NFASC: variants seen among roughly 807,000 people sequenced by gnomAD.
NFASC encodes neurofascin homolog.
In NFASC, 43 loss-of-function variants were observed where a neutral mutation model predicts 147.5. The observed-to-expected ratio is 0.29, with a 90% CI of 0.23 to 0.38. NFASC has a LOEUF of 0.38. Ranked by LOEUF, NFASC falls within the 10% of genes least tolerant of loss-of-function variation. The pLI is 1.00. For synonymous variants in NFASC, 622 were observed against 665.5 expected (o/e 0.93, Z 1.01); for missense variants, 1,320 against 1,689.0 (o/e 0.78, Z 3.83).
chr1:204,997,312 C>T lies in NFASC; in HGVS notation c.2925C>T (p.Thr975=). The part of the protein sequence containing the change: ...TVAPTTIATT[T]TVATTTTTTA... The stretch of plus-strand genomic sequence containing the variant: ...CACCTACCACCATCGCCACCACCAC[C>T]ACCGTCGCCACAACTACTACAACCA... The change falls in exon 25 of 30, where the codon ACC becomes ACT. Residue 975 remains threonine, a synonymous_variant. Transcript: ENST00000339876. 6.3e-7 allele frequency: 1 copy of T among 1,587,158 alleles called. No individual in the cohort carries two copies. Among genetic ancestry groups the T allele is most frequent in the South Asian group, 1.1e-5 (1 of 88,484 alleles).
At chr1:204,887,756 T>C (rs530642181) in intron 1 of NFASC, among the ~76,000 whole-genome samples, 1 of 151,846 alleles carries the variant, frequency 6.6e-6, no homozygotes, top group East Asian at 1.9e-4. Context: ...ACCACAACGC[T>C]CAGCTAATTT....
intron 1 of NFASC, among the ~76,000 whole-genome samples, chr1:204,842,821 C>T (rs982589723): frequency 3.9e-5 from 6 of 152,220 alleles, no homozygotes; most frequent in Non-Finnish European, 2.9e-5. Context: ...ATTCCTGCCT[C>T]CTTTCCTCCT....
Position 204,910,694 on chromosome 1 carries a change from G to C in NFASC, c.-199-9938G>C, listed in dbSNP as rs551457321. 7.2e-5 allele frequency among the ~76,000 whole-genome samples: 11 copies of C among 152,104 alleles called. No homozygotes were observed. The East Asian group carries it at 2.1e-3, about 30-fold the overall frequency. On this transcript the variant is annotated intron_variant, in intron 1 of 29. Coordinates refer to ENST00000339876, the MANE Select transcript of NFASC (RefSeq NM_001005388.3). ...TTTTAAATTTTTTTTGTAGGGAGAAGATCTTGCTATGTTATCCAGGCTGGT... is the reference window on the plus strand; with the variant it reads ...TTTTAAATTTTTTTTGTAGGGAGAACATCTTGCTATGTTATCCAGGCTGGT...
chr1:204,942,711 A>G (rs548319815), intron 2 of NFASC, among the ~76,000 whole-genome samples: 13 of 152,344 alleles, frequency 8.5e-5, no homozygotes, highest in African/African-American at 2.6e-4. Flanking sequence ...TAACTCTGGC[A>G]TGAAATGTTG....
At chr1:204,891,284 C>A (rs1387461325) in intron 1 of NFASC, among the ~76,000 whole-genome samples, 2 of 152,192 alleles carry the variant, frequency 1.3e-5, no homozygotes, top group African/African-American at 4.8e-5. Flanking sequence ...ACTTCCTGGT[C>A]TCAAACCCAA....
chr1:204,946,800 C>A, intron 3 of NFASC: 1 of 510,328 alleles, frequency 2.0e-6, no homozygotes, highest in South Asian at 1.4e-5. Flanking sequence ...CCTGGGCTGC[C>A]AGCCTTCTTT....
intron 1 of NFASC, among the ~76,000 whole-genome samples, chr1:204,880,067 C>T (rs1440967051): frequency 6.6e-6 from 1 of 152,146 alleles, no homozygotes; most frequent in Non-Finnish European, 1.5e-5. Context: ...AACATTGACT[C>T]AGCTAGTTAT....
At chr1:204,976,201 CTCCCCTCTCTATAGGAGACAGT>C (rs1024812758) in intron 15 of NFASC, among the ~76,000 whole-genome samples, 3 of 147,808 alleles carry the variant, frequency 2.0e-5, no homozygotes, top group African/African-American at 7.3e-5. Context: ...GCTCTGTGGC[CTCCCCTCTCTATAGGAGACAGT>C]TCCCAGGAGC....
At chr1:204,839,688 G>A (rs1022020338) in intron 1 of NFASC, among the ~76,000 whole-genome samples, 2 of 152,234 alleles carry the variant, frequency 1.3e-5, no homozygotes, top group African/African-American at 2.4e-5. Context: ...ATGGTGAAGA[G>A]CACTTAGAAG....
intron 2 of NFASC, among the ~76,000 whole-genome samples, chr1:204,926,216 T>C (rs1227210953): frequency 2.0e-5 from 3 of 151,664 alleles, no homozygotes; most frequent in Non-Finnish European, 4.4e-5. Context: ...ATGAATCTTA[T>C]AGATTTTAGC....
rs562577914 is a variant in NFASC at position 204,974,204 on chromosome 1, C to G, written c.1305C>G (p.Pro435=). The G allele has an allele frequency of 6.2e-7, 1 of 1,614,014 alleles. No individual in the cohort carries two copies. The highest frequency in any genetic ancestry group is 8.5e-7 in the Non-Finnish European group (1 of 1,179,964). ...ATGTGCCGCCTCGGATGCTGTCGCC[C>G]CGGAACCAGCTCATTCGAGTGATTC... ...VLDVPPRMLS[P]RNQLIRVILY... Residue 435 remains proline, a synonymous_variant, in exon 13 of 30, where the codon CCC becomes CCG. Transcript: ENST00000339876.
At chr1:204,833,176 G>A (rs577187421) in intron 1 of NFASC, among the ~76,000 whole-genome samples, 41 of 152,336 alleles carry the variant, frequency 2.7e-4, no homozygotes, top group African/African-American at 9.9e-4. Flanking sequence ...AATAAAAGTG[G>A]CGTAATAACA....
chr1:204,899,435 T>G (rs999440180), intron 1 of NFASC, among the ~76,000 whole-genome samples: 4 of 152,080 alleles, frequency 2.6e-5, no homozygotes, highest in Middle Eastern at 3.2e-3. Context: ...CTCTCTCCTT[T>G]CCCCCAGTCC....
intron 1 of NFASC, among the ~76,000 whole-genome samples, chr1:204,901,783 TGAG>T (rs1310412972): frequency 6.6e-6 from 1 of 151,878 alleles, no homozygotes; most frequent in African/African-American, 2.4e-5. Context: ...AAGGAAAAGT[TGAG>T]GAGACAGGAG....
intron 1 of NFASC, among the ~76,000 whole-genome samples, chr1:204,901,689 A>C (rs1444852478): frequency 6.6e-6 from 1 of 152,134 alleles, no homozygotes; most frequent in Admixed American, 6.5e-5. Flanking sequence ...CAGTAGCCCG[A>C]GGGGAGAGTG....
rs1172627898 is a variant in NFASC, at chr1:204,978,943, C to T, written c.1877-25C>T. On this transcript the variant is annotated intron_variant, in intron 17 of 29. Transcript: ENST00000339876. ...GGTGGACCTGCTCTAACTCAGGAGG[C>T]CTGCGTGGTGTCTTCTGCCACCAGG... is the stretch of plus-strand genomic sequence containing the variant. The T allele has an allele frequency of 3.9e-6, 6 of 1,531,480 alleles. 1 individual carries two copies. Among genetic ancestry groups the T allele is most frequent in the South Asian group, 3.6e-5 (3 of 83,128 alleles). 94.9% of individuals were successfully genotyped at this position (1,531,480 alleles called of 1,614,324 possible). A position where few individuals can be genotyped will look rare whatever the true frequency, so the allele number is the denominator to read the frequency against.
chr1:204,876,668 C>T (rs962218934), intron 1 of NFASC, among the ~76,000 whole-genome samples: 9 of 152,080 alleles, frequency 5.9e-5, no homozygotes, highest in Non-Finnish European at 8.8e-5. Context: ...AACTTAGCTA[C>T]GCTAGGAACC....
At chr1:204,878,670 G>A (rs950208201) in intron 1 of NFASC, among the ~76,000 whole-genome samples, 5 of 152,324 alleles carry the variant, frequency 3.3e-5, no homozygotes, top group Admixed American at 3.3e-4. Context: ...TCAACACTTG[G>A]CCAGTCTTGT....
chr1:204,860,205 G>C (rs1405078293), intron 1 of NFASC, among the ~76,000 whole-genome samples: 1 of 152,248 alleles, frequency 6.6e-6, no homozygotes, highest in Non-Finnish European at 1.5e-5. Flanking sequence ...GCAGGGATTA[G>C]AGTCACCAAG....
Sources: allele counts gnomAD v4.1 joint callset (sites outside exome capture counted in the v4.1 genomes callset), GRCh38; gene constraint gnomAD v4.1.1; transcripts MANE v1.5; gene names NCBI Gene and HGNC (gene_info 2026-07-23, HGNC 2026-07-21).